The following UGT2B4 variants were observed in gnomAD, a reference collection of about 807,000 sequenced individuals.
The protein encoded by UGT2B4 is UDP glucuronosyltransferase family 2 member B4.
A neutral mutation model predicts 49.8 loss-of-function variants in UGT2B4; 49 were observed. That is an observed-to-expected ratio of 0.98 (90% CI 0.78 to 1.25). The LOEUF is 1.25. Ranked by LOEUF, UGT2B4 falls within the 50% of genes most tolerant of loss-of-function variation. UGT2B4 has a pLI of 0.00. For missense variants in UGT2B4, 729 were observed against 627.7 expected, an observed-to-expected ratio of 1.16 and a Z score of -1.73; for synonymous variants, 246 against 217.7, an observed-to-expected ratio of 1.13 and a Z score of -1.14.
chr4:69,488,885 C>T (rs1727872716), intron 3 of UGT2B4, among the ~76,000 whole-genome samples: 1 of 152,020 alleles, frequency 6.6e-6, no homozygotes, highest in Admixed American at 6.6e-5. Context: ...GTCTGACAGC[C>T]TAGGCCTTCC....
chr4:69,518,891 G>T (rs1333753895), intron 1 of UGT2B4, among the ~76,000 whole-genome samples: 1 of 152,138 alleles, frequency 6.6e-6, no homozygotes, highest in East Asian at 1.9e-4. Context: ...CAGTATTCCA[G>T]AGGAAAAATA....
At chr4:69,487,470 T>C (rs535299340) in intron 3 of UGT2B4, among the ~76,000 whole-genome samples, 9 of 152,194 alleles carry the variant, frequency 5.9e-5, no homozygotes, top group African/African-American at 1.7e-4. Context: ...CAGTCCATTA[T>C]CCCTAGCAAA....
At chr4:69,503,458 C>A (rs1360714938) in intron 1 of UGT2B4, among the ~76,000 whole-genome samples, 1 of 152,188 alleles carries the variant, frequency 6.6e-6, no homozygotes. Context: ...GTGAGTTTAG[C>A]TTTACTTGCC....
intron 5 of UGT2B4, among the ~76,000 whole-genome samples, chr4:69,482,437 A>G (rs1024790374): frequency 1.3e-5 from 2 of 152,194 alleles, no homozygotes; most frequent in African/African-American, 4.8e-5. Flanking sequence ...AGATACCACT[A>G]TCTCTCAGAT....
At chr4:69,525,608 A>G in intron 1 of UGT2B4, 1 of 908,450 alleles carries the variant, frequency 1.1e-6, no homozygotes, top group Non-Finnish European at 1.4e-6. Flanking sequence ...TGGGTTAGAC[A>G]ATAGATTATC....
chr4:69,495,335 G>A lies in UGT2B4; in HGVS notation c.527C>T (p.Pro176Leu), dbSNP rs373966654. ...IPFVYSLRFS[P>L]GYAIEKHSGG... Reference sequence around the variant, plus strand: ...ACTATGCTTTTCAATTGCGTAGCCAGGAGAGAAGCGGAGGCTGTAGACAAA... The same window carrying A: ...ACTATGCTTTTCAATTGCGTAGCCAAGAGAGAAGCGGAGGCTGTAGACAAA... The change falls in exon 1 of 6, where the codon CCT (proline) becomes CTT (leucine). Residue 176 changes from proline to leucine, a missense_variant. Transcript: ENST00000305107. 7.5e-4 allele frequency: 1,213 copies of A among 1,613,206 alleles called. 18 individuals carry two copies. In the South Asian group the frequency reaches 0.012, roughly 16 times the overall value.
intron 3 of UGT2B4, among the ~76,000 whole-genome samples, chr4:69,488,204 C>A (rs1727852504): frequency 6.6e-6 from 1 of 152,000 alleles, no homozygotes. Flanking sequence ...AAATAAGGAA[C>A]CTGTTGGTAC....
chr4:69,514,418 G>A (rs2109830016), intron 1 of UGT2B4, among the ~76,000 whole-genome samples: 1 of 152,258 alleles, frequency 6.6e-6, no homozygotes, highest in Admixed American at 6.5e-5. Flanking sequence ...GCAAATATGT[G>A]ACTTCCTCTC....
chr4:69,500,666 A>AGAGAAAGAAAGG (rs1728295641), upstream of UGT2B4, among the ~76,000 whole-genome samples: 1 of 113,796 alleles, frequency 8.8e-6, no homozygotes, highest in Admixed American at 8.9e-5. Context: ...AGAAAGAAAG[A>AGAGAAAGAAAGG]AAGGAAGGAA....
chr4:69,520,776 G>A (rs1177634861), intron 1 of UGT2B4, among the ~76,000 whole-genome samples: 7 of 152,082 alleles, frequency 4.6e-5, no homozygotes, highest in Non-Finnish European at 7.4e-5. Flanking sequence ...GGTGCCCCTC[G>A]GTATTAACAG....
intron 1 of UGT2B4, among the ~76,000 whole-genome samples, chr4:69,503,861 G>C (rs1335116225): frequency 6.6e-6 from 1 of 152,146 alleles, no homozygotes; most frequent in Non-Finnish European, 1.5e-5. Context: ...CTTCACCTGG[G>C]CCACCGCAGC....
chr4:69,483,500 A>G (rs1372214674), intron 5 of UGT2B4, among the ~76,000 whole-genome samples: 1 of 152,138 alleles, frequency 6.6e-6, no homozygotes, highest in Admixed American at 6.6e-5. Context: ...ATTTAATGGA[A>G]GTATCTGTAT....
chr4:69,486,971 A>AT (rs1727805502), intron 3 of UGT2B4, among the ~76,000 whole-genome samples: 1 of 152,190 alleles, frequency 6.6e-6, no homozygotes, highest in Non-Finnish European at 1.5e-5. Flanking sequence ...TCAAAAGAAA[A>AT]CTATATGTGG....
At chr4:69,486,486 G>T in intron 4 of UGT2B4, 123 bp downstream of exon 4, 3 of 601,598 alleles carry the variant, frequency 5.0e-6, no homozygotes, top group Non-Finnish European at 7.8e-6. Flanking sequence ...TAAATATAAA[G>T]AAGTTTCATT....
intron 3 of UGT2B4, among the ~76,000 whole-genome samples, chr4:69,488,410 A>T (rs889772232): frequency 2.6e-5 from 4 of 152,126 alleles, no homozygotes; most frequent in African/African-American, 4.8e-5. Flanking sequence ...AATTAAAAAA[A>T]AATAATTTAC....
chr4:69,496,340 C>T (rs982172675), upstream of UGT2B4, among the ~76,000 whole-genome samples: 1 of 152,074 alleles, frequency 6.6e-6, no homozygotes, highest in South Asian at 2.1e-4. Context: ...TTTTTAAGTG[C>T]TGTAATTCAG....
chr4:69,490,277 A>G (rs1246188710), intron 2 of UGT2B4, among the ~76,000 whole-genome samples: 2 of 152,196 alleles, frequency 1.3e-5, no homozygotes, highest in Admixed American at 6.6e-5. Flanking sequence ...TACAGTATGT[A>G]GTTACATAGT....
At chr4:69,521,405 C>T (rs1728846650) in intron 1 of UGT2B4, among the ~76,000 whole-genome samples, 1 of 152,200 alleles carries the variant, frequency 6.6e-6, no homozygotes, top group African/African-American at 2.4e-5. Context: ...CCAGGTGCCA[C>T]CACATTCCCC....
intron 3 of UGT2B4, among the ~76,000 whole-genome samples, chr4:69,488,670 T>C (rs922735593): frequency 1.3e-5 from 2 of 151,982 alleles, no homozygotes; most frequent in African/African-American, 4.8e-5. Flanking sequence ...CTGCCTCCAT[T>C]GGGAGGAGTT....
Sources: allele counts gnomAD v4.1 joint callset (sites outside exome capture counted in the v4.1 genomes callset), GRCh38; gene constraint gnomAD v4.1.1; transcripts MANE v1.5; gene names NCBI Gene and HGNC (gene_info 2026-07-23, HGNC 2026-07-21).